Variants in RBFOX1 observed in about 807,000 individuals in gnomAD.
The protein encoded by RBFOX1 is RNA binding fox-1 homolog 1, also known as RNA binding protein fox-1 homolog 1.
In RBFOX1, 8 loss-of-function variants were observed where a neutral mutation model predicts 57.7. That is an observed-to-expected ratio of 0.14 (90% confidence interval 0.08 to 0.25). RBFOX1 has a LOEUF of 0.25. Among genes scored for constraint, RBFOX1 ranks in the 10% least tolerant of loss-of-function variants. The probability of loss-of-function intolerance (pLI) is 1.00; values close to 1 mark genes in which losing one functional copy is unlikely to be tolerated. For synonymous variants in RBFOX1, 326 were observed against 222.4 expected (o/e 1.47, Z -4.15); for missense variants, 611 against 548.5 (o/e 1.11, Z -1.14).
intron 2 of RBFOX1, among the ~76,000 whole-genome samples, chr16:5,590,921 C>A (rs1274528281): frequency 2.0e-5 from 3 of 152,104 alleles, no homozygotes; most frequent in Non-Finnish European, 2.9e-5. Context: ...AAGGTATTAC[C>A]CCAATGCCAG....
At chr16:6,129,938 C>T (rs567242384) in intron 1 of RBFOX1, among the ~76,000 whole-genome samples, 1 of 151,792 alleles carries the variant, frequency 6.6e-6, no homozygotes, top group South Asian at 2.1e-4. Context: ...GTATGACTGG[C>T]AAAAATATTC....
chr16:7,518,432 C>G (rs544222561), intron 5 of RBFOX1, 43 bp downstream of exon 5: 2 of 1,566,180 alleles, frequency 1.3e-6, no homozygotes, highest in South Asian at 2.4e-5. Context: ...TATGGGGAGG[C>G]GCCCCCAGCC....
intron 2 of RBFOX1, among the ~76,000 whole-genome samples, chr16:5,475,542 G>C (rs907368361): frequency 2.6e-5 from 4 of 152,214 alleles, no homozygotes; most frequent in African/African-American, 9.6e-5. Flanking sequence ...CCAGCTAAAT[G>C]TCAATAATTT....
At chr16:5,286,441 AG>A (rs1398726711) in intron 1 of RBFOX1, among the ~76,000 whole-genome samples, 4 of 152,188 alleles carry the variant, frequency 2.6e-5, no homozygotes, top group Non-Finnish European at 4.4e-5. Flanking sequence ...CTCTGGAGGC[AG>A]GGGAGTCAGT....
chr16:6,696,689 G>C (rs943029128), intron 3 of RBFOX1, among the ~76,000 whole-genome samples: 2 of 39,724 alleles, frequency 5.0e-5, no homozygotes, highest in Non-Finnish European at 1.9e-4. Flanking sequence ...ATATCTCAAA[G>C]GAGATTTTTT....
chr16:5,939,188 A>G (rs1047730058), intron 4 of RBFOX1, among the ~76,000 whole-genome samples: 11 of 152,206 alleles, frequency 7.2e-5, no homozygotes, highest in Non-Finnish European at 1.3e-4. Flanking sequence ...ATATGTAGAC[A>G]TGTAACAAAC....
chr16:6,259,319 TC>T (rs1464737842), intron 1 of RBFOX1, among the ~76,000 whole-genome samples: 1 of 152,096 alleles, frequency 6.6e-6, no homozygotes, highest in Non-Finnish European at 1.5e-5. Context: ...CTCCCTCCTC[TC>T]CTCTCTAGCC....
At chr16:7,134,060 G>C (rs1468995645) in intron 4 of RBFOX1, among the ~76,000 whole-genome samples, 1 of 152,190 alleles carries the variant, frequency 6.6e-6, no homozygotes, top group Non-Finnish European at 1.5e-5. Flanking sequence ...CTCAGTAATG[G>C]AGGGAATCAC....
In RBFOX1 at chr16:7,013,420, C is replaced by T. The variant is rs544136504; in HGVS notation, c.-15-38637C>T. Among the ~76,000 whole-genome samples, 8 of 152,250 alleles carry T rather than the reference C, an allele frequency of 5.3e-5. No individual in the cohort carries two copies. In the East Asian group the frequency reaches 1.2e-3, roughly 22 times the overall value. On this transcript the variant is annotated intron_variant, in intron 3 of 15. Transcript: ENST00000550418. ...GAGAACATGTGACAATGTCTGGAGACATGTTTGGTTGCTACGACTGGGAAG... is the reference window on the plus strand; with the variant it reads ...GAGAACATGTGACAATGTCTGGAGATATGTTTGGTTGCTACGACTGGGAAG...
intron 11 of RBFOX1, among the ~76,000 whole-genome samples, chr16:7,637,277 A>G (rs2061926437): frequency 6.6e-6 from 1 of 150,982 alleles, no homozygotes; most frequent in East Asian, 1.9e-4. Flanking sequence ...TCCTCAAAAA[A>G]AAAAAAAGAA....
intron 3 of RBFOX1, among the ~76,000 whole-genome samples, chr16:6,866,083 G>T (rs1484372361): frequency 1.3e-5 from 2 of 150,898 alleles, no homozygotes; most frequent in East Asian, 3.9e-4. Flanking sequence ...GCCAAAAGAT[G>T]ATATTTTTAT....
chr16:6,529,001 T>A (rs2096619760), intron 2 of RBFOX1, among the ~76,000 whole-genome samples: 2 of 152,214 alleles, frequency 1.3e-5, no homozygotes, highest in South Asian at 2.1e-4. Context: ...TTAATCCTCC[T>A]TGGCAGGTGT....
intron 2 of RBFOX1, among the ~76,000 whole-genome samples, chr16:6,429,349 T>G (rs935620997): frequency 6.6e-6 from 1 of 152,252 alleles, no homozygotes; most frequent in Admixed American, 6.5e-5. Context: ...TTGTTGACCC[T>G]AGGGGCTAGC....
At chr16:6,232,765 C>G (rs755238518) in intron 1 of RBFOX1, among the ~76,000 whole-genome samples, 1 of 152,104 alleles carries the variant, frequency 6.6e-6, no homozygotes, top group Non-Finnish European at 1.5e-5. Context: ...ATGCAGTGAC[C>G]TCGAGGTCTT....
upstream of RBFOX1, among the ~76,000 whole-genome samples, chr16:6,016,290 GC>G (rs141128943): frequency 0.054 from 8,283 of 152,208 alleles, 273 homozygotes; most frequent in Middle Eastern, 0.068. Flanking sequence ...TGAGGGATTG[GC>G]AGGGAGAAAG....
chr16:6,149,233 G>A (rs576107289), intron 1 of RBFOX1, among the ~76,000 whole-genome samples: 7 of 152,346 alleles, frequency 4.6e-5, no homozygotes, highest in Admixed American at 1.3e-4. Flanking sequence ...GCGCGCGTGC[G>A]CGGATGTGTG....
intron 4 of RBFOX1, among the ~76,000 whole-genome samples, chr16:7,099,736 T>C (rs1408610365): frequency 2.6e-5 from 4 of 152,122 alleles, no homozygotes; most frequent in Non-Finnish European, 5.9e-5. Context: ...AGGAGGAAGG[T>C]GTTTCCAGGT....
At chr16:6,798,721 C>G (rs1272889745) in intron 3 of RBFOX1, among the ~76,000 whole-genome samples, 2 of 152,020 alleles carry the variant, frequency 1.3e-5, no homozygotes, top group Non-Finnish European at 2.9e-5. Context: ...TATTTATACA[C>G]CCAAGATAAT....
intron 3 of RBFOX1, among the ~76,000 whole-genome samples, chr16:7,036,960 T>C (rs2044660430): frequency 1.3e-5 from 2 of 152,132 alleles, no homozygotes; most frequent in African/African-American, 4.8e-5. Flanking sequence ...ATGCTTCCCC[T>C]TTTTAGATCA....
Sources: gnomAD v4.1 joint callset for allele counts (sites outside exome capture counted in the v4.1 genomes callset) on GRCh38, gnomAD v4.1.1 for gene constraint, MANE v1.5 for transcripts, NCBI Gene and HGNC (gene_info 2026-07-23, HGNC 2026-07-21) for gene names.